TBP: variants seen among roughly 807,000 people sequenced by gnomAD.
TBP encodes the protein TATA-box binding protein.
TBP carries 12 observed loss-of-function variants against 46.2 expected under a neutral mutation model. That is an observed-to-expected ratio of 0.26 (90% CI 0.17 to 0.42). TBP has a LOEUF of 0.42. Among genes scored for constraint, TBP ranks in the 10% least tolerant of loss-of-function variants. TBP has a pLI of 1.00. For missense variants in TBP, 229 were observed against 403.1 expected (o/e 0.57, Z 3.70); for synonymous variants, 157 against 148.3 (o/e 1.06, Z -0.42).
chr6:170,556,212 G>A (rs1195222206), intron 1 of TBP, among the ~76,000 whole-genome samples: 1 of 152,204 alleles, frequency 6.6e-6, no homozygotes, highest in Non-Finnish European at 1.5e-5. Context: ...TTCTATGTGA[G>A]AATATGTTGT....
At chr6:170,566,627 C>A (rs1025996145) in intron 4 of TBP, among the ~76,000 whole-genome samples, 43 of 152,096 alleles carry the variant, frequency 2.8e-4, no homozygotes, top group Non-Finnish European at 8.8e-5. Context: ...GAGAACATAA[C>A]CAAATTTTGC....
intron 2 of TBP, 110 bp from the exon 3 acceptor site, chr6:170,561,681 T>G: frequency 1.1e-5 from 17 of 1,515,924 alleles, no homozygotes; most frequent in Non-Finnish European, 1.5e-5. Flanking sequence ...AACCCCATTA[T>G]TCTCCGAAGG....
intron 3 of TBP, among the ~76,000 whole-genome samples, chr6:170,563,392 C>A (rs1378819911): frequency 6.6e-6 from 1 of 152,108 alleles, no homozygotes; most frequent in Non-Finnish European, 1.5e-5. Context: ...AGTGCCCTCT[C>A]CATCTTGTAG....
Position 170,557,059 on chromosome 6 carries a change from C to G in TBP, c.30C>G (p.Tyr10Ter). ...ATCAGAACAACAGCCTGCCACCTTA[C>G]GCTCAGGGCTTGGCCTCCCCTCAGG... MDQNNSLPP[Y>*]AQGLASPQGA... The change falls in exon 2 of 8, where the codon TAC (tyrosine) becomes TAG (stop). Residue 10 changes from tyrosine to a stop codon, truncating the protein, a stop_gained. Transcript: ENST00000392092. LOFTEE classifies it high-confidence loss of function. The G allele has an allele frequency of 1.2e-6, 2 of 1,614,108 alleles. No individual in the cohort carries two copies. Among genetic ancestry groups the G allele is most frequent in the Non-Finnish European group, 1.7e-6 (2 of 1,179,994 alleles).
intron 4 of TBP, 95 bp from the exon 5 acceptor site, chr6:170,566,823 C>T: frequency 3.2e-6 from 3 of 942,626 alleles, no homozygotes; most frequent in Non-Finnish European, 5.0e-6. Context: ...TATGTCCTTC[C>T]TACCAGTTGT....
chr6:170,563,047 G>C (rs1029890060), intron 3 of TBP, among the ~76,000 whole-genome samples: 1 of 152,014 alleles, frequency 6.6e-6, no homozygotes, highest in African/African-American at 2.4e-5. Context: ...GTGTGTAATC[G>C]TGGATGCTGA....
intron 4 of TBP, among the ~76,000 whole-genome samples, chr6:170,565,447 A>C (rs1562361103): frequency 6.6e-6 from 1 of 152,222 alleles, no homozygotes; most frequent in Non-Finnish European, 1.5e-5. Context: ...TAATGGACTT[A>C]GGGTGCATTT....
chr6:170,555,391 C>T (rs940957874), intron 1 of TBP, among the ~76,000 whole-genome samples: 3 of 152,234 alleles, frequency 2.0e-5, no homozygotes, highest in Non-Finnish European at 2.9e-5. Context: ...AATTCCATAA[C>T]TGTTATTATT....
chr6:170,569,261 T>C (rs542030081), intron 5 of TBP, among the ~76,000 whole-genome samples: 18 of 152,364 alleles, frequency 1.2e-4, no homozygotes, highest in East Asian at 3.9e-4. Context: ...CTCATCAACA[T>C]TTTCTGATCA....
rs1779041258 is a variant in TBP, at chr6:170,556,920, T to C, written c.-110T>C. ...TGGCGTGTGAAGATAACCCAAGGAA[T>C]TGAGGAAGTTGCTGAGAAGAGTGTG... On this transcript the variant is annotated 5_prime_UTR_variant, in exon 2 of 8. Transcript: ENST00000392092. 2 of 961,154 alleles carry C rather than the reference T, an allele frequency of 2.1e-6. No individual in the cohort carries two copies. Among genetic ancestry groups the C allele is most frequent in the East Asian group, 2.4e-5 (1 of 41,534 alleles). 59.5% of individuals were successfully genotyped at this position (961,154 alleles called of 1,614,324 possible). A position where few individuals can be genotyped will look rare whatever the true frequency, so the allele number is the denominator to read the frequency against.
rs1779228650 is a variant in TBP at position 170,565,569 on chromosome 6, T to G, written c.585+937T>G. Among the ~76,000 whole-genome samples the G allele has an allele frequency of 2.0e-5, 3 of 152,254 alleles. 1 individual carries two copies. In the South Asian group the frequency reaches 6.2e-4, roughly 31 times the overall value. ...TGACATGTAGCATTCTAAGAATTAA[T>G]CTTTCATCTATTATAATCACATTTA... On this transcript the variant is annotated intron_variant, in intron 4 of 7. Coordinates refer to ENST00000392092, the MANE Select transcript of TBP (RefSeq NM_003194.5).
At chr6:170,555,187 T>G (rs553302456) in intron 1 of TBP, among the ~76,000 whole-genome samples, 1 of 152,350 alleles carries the variant, frequency 6.6e-6, no homozygotes, top group African/African-American at 2.4e-5. Flanking sequence ...GTAGACTTAC[T>G]TGCAAAAAGT....
At chr6:170,561,762 T>G in intron 2 of TBP, 29 bp from the exon 3 acceptor site, 1 of 1,597,226 alleles carries the variant, frequency 6.3e-7, no homozygotes, top group South Asian at 1.1e-5. Flanking sequence ...GCAGCCAGCC[T>G]AACCTGTTTT....
intron 6 of TBP, among the ~76,000 whole-genome samples, chr6:170,570,739 A>G (rs1366318418): frequency 6.6e-6 from 1 of 152,186 alleles, no homozygotes; most frequent in Non-Finnish European, 1.5e-5. Flanking sequence ...AGGCTGAGGC[A>G]GGACAATCAT....
At position 170,569,820 on chromosome 6, in the gene TBP, C is replaced by T. The variant is rs1229869788; in HGVS notation, c.845+41C>T. On this transcript the variant is annotated intron_variant, in intron 6 of 7. Coordinates refer to ENST00000392092, the MANE Select transcript of TBP (RefSeq NM_003194.5). ...ATTATGATTGTTATTGGCAACAGTTCATTTATAATCTAAACATTGTTCAGA... is the reference window on the plus strand; with the variant it reads ...ATTATGATTGTTATTGGCAACAGTTTATTTATAATCTAAACATTGTTCAGA... 5.8e-6 allele frequency: 9 copies of T among 1,558,124 alleles called. No homozygotes were observed. In the East Asian group the frequency reaches 1.8e-4, roughly 31 times the overall value.
At chr6:170,569,814 A>G (rs534997942) in intron 6 of TBP, 35 bp downstream of exon 6, 32 of 1,582,370 alleles carry the variant, frequency 2.0e-5, no homozygotes, top group Middle Eastern at 1.7e-4. Flanking sequence ...GTTATTGGCA[A>G]CAGTTCATTT....
At chr6:170,561,629 T>C (rs1484407570) in intron 2 of TBP, among the ~76,000 whole-genome samples, 162 bp from the exon 3 acceptor site, 2 of 152,228 alleles carry the variant, frequency 1.3e-5, no homozygotes, top group Admixed American at 1.3e-4. Context: ...AAGAAAGCAA[T>C]GTGTATAAGA....
intron 5 of TBP, among the ~76,000 whole-genome samples, chr6:170,569,334 T>C (rs572500880): frequency 6.6e-6 from 1 of 152,348 alleles, no homozygotes; most frequent in African/African-American, 2.4e-5. Context: ...GAAATAGTGA[T>C]GACTGATGAT....
chr6:170,565,467 T>C (rs538277933), intron 4 of TBP, among the ~76,000 whole-genome samples: 1 of 152,352 alleles, frequency 6.6e-6, no homozygotes, highest in Non-Finnish European at 1.5e-5. Context: ...TTAAAATCCC[T>C]GAAACATAAT....
Sources: allele counts gnomAD v4.1 joint callset (sites outside exome capture counted in the v4.1 genomes callset), GRCh38; gene constraint gnomAD v4.1.1; transcripts MANE v1.5; gene names NCBI Gene and HGNC (gene_info 2026-07-23, HGNC 2026-07-21).